The following FOCAD variants were observed in gnomAD, a reference collection of about 807,000 sequenced individuals.
FOCAD encodes the protein KIAA1797.
In FOCAD, 198 loss-of-function variants were observed where a neutral mutation model predicts 225.6. That is an observed-to-expected ratio of 0.88 (90% CI 0.78 to 0.99). FOCAD has a LOEUF of 0.99. Ranked by LOEUF, FOCAD falls within the 50% of genes least tolerant of loss-of-function variation. The pLI, the probability that FOCAD is intolerant of heterozygous loss-of-function variation, is 0.00. For synonymous variants in FOCAD, 897 were observed against 755.0 expected, an observed-to-expected ratio of 1.19 and a Z score of -3.08; for missense variants, 2,713 against 2,123.6, an observed-to-expected ratio of 1.28 and a Z score of -5.46.
intron 2 of FOCAD, among the ~76,000 whole-genome samples, chr9:20,672,847 C>T (rs959927651): frequency 6.6e-6 from 1 of 152,182 alleles, no homozygotes; most frequent in Non-Finnish European, 1.5e-5. Flanking sequence ...TCTAGGTCAC[C>T]AACAGGACTC....
At chr9:20,903,026 C>T (rs1486039419) in intron 21 of FOCAD, among the ~76,000 whole-genome samples, 2 of 151,890 alleles carry the variant, frequency 1.3e-5, no homozygotes, top group African/African-American at 2.4e-5. Flanking sequence ...TCACATTTTA[C>T]TGTCTAGTTG....
chr9:20,760,491 T>G (rs1829486863), intron 6 of FOCAD, among the ~76,000 whole-genome samples: 1 of 152,228 alleles, frequency 6.6e-6, no homozygotes, highest in Non-Finnish European at 1.5e-5. Context: ...TTGCCTTGTG[T>G]TCCACACAGG....
At chr9:20,786,898 C>G in intron 10 of FOCAD, 1 of 311,262 alleles carries the variant, frequency 3.2e-6, no homozygotes, top group South Asian at 2.9e-5. Context: ...TTTTTAAACA[C>G]CTACTTCCTC....
chr9:20,852,090 G>A (rs751372980), intron 15 of FOCAD, among the ~76,000 whole-genome samples: 1 of 151,776 alleles, frequency 6.6e-6, no homozygotes, highest in Non-Finnish European at 1.5e-5. Flanking sequence ...TTTATGCCAA[G>A]CACTGTGCTA....
intron 7 of FOCAD, among the ~76,000 whole-genome samples, chr9:20,765,874 A>G (rs1830010587): frequency 6.6e-6 from 1 of 152,202 alleles, no homozygotes; most frequent in Admixed American, 6.5e-5. Context: ...GAATCTGTGA[A>G]CATATTTCAA....
At chr9:20,794,306 T>C (rs1281677525) in intron 11 of FOCAD, among the ~76,000 whole-genome samples, 1 of 152,136 alleles carries the variant, frequency 6.6e-6, no homozygotes, top group African/African-American at 2.4e-5. Context: ...AAGAAGAAAT[T>C]TGAAAGCAAG....
At chr9:20,725,137 A>G (rs1289392302) in intron 4 of FOCAD, among the ~76,000 whole-genome samples, 1 of 152,194 alleles carries the variant, frequency 6.6e-6, no homozygotes, top group Non-Finnish European at 1.5e-5. Flanking sequence ...GCACTACTGC[A>G]CTCCAGCCTG....
At chr9:20,936,053 G>C (rs532209946) in intron 28 of FOCAD, among the ~76,000 whole-genome samples, 5 of 152,280 alleles carry the variant, frequency 3.3e-5, no homozygotes, top group African/African-American at 1.2e-4. Flanking sequence ...GTGAATATAT[G>C]GTATGGTTTT....
chr9:20,734,945 T>C (rs1023895270), intron 4 of FOCAD, among the ~76,000 whole-genome samples: 6 of 152,068 alleles, frequency 3.9e-5, no homozygotes, highest in African/African-American at 7.2e-5. Context: ...TAGATAAGGG[T>C]ATGTCTATAG....
At chr9:20,819,742 A>T in intron 11 of FOCAD, 54 bp from the exon 12 acceptor site, 1 of 898,726 alleles carries the variant, frequency 1.1e-6, no homozygotes, top group Non-Finnish European at 1.7e-6. Flanking sequence ...ATTCCATTAT[A>T]TATTACTTTT....
chr9:20,759,772 T>C (rs776335118), intron 6 of FOCAD, among the ~76,000 whole-genome samples: 5 of 152,206 alleles, frequency 3.3e-5, no homozygotes, highest in African/African-American at 4.8e-5. Context: ...TTAAGGAAGT[T>C]AAGCATTGGT....
chr9:20,740,593 A>G (rs1158242363), intron 5 of FOCAD, among the ~76,000 whole-genome samples: 4 of 152,190 alleles, frequency 2.6e-5, no homozygotes, highest in Admixed American at 6.5e-5. Flanking sequence ...CCTAAAACTC[A>G]GATTATTCTG....
chr9:20,922,119 A>T (rs1834494026), intron 24 of FOCAD, among the ~76,000 whole-genome samples: 1 of 152,226 alleles, frequency 6.6e-6, no homozygotes, highest in Non-Finnish European at 1.5e-5. Flanking sequence ...TTTTATGGCT[A>T]GGGCACCTAG....
At chr9:20,706,041 C>T (rs1229455464) in intron 1 of FOCAD, among the ~76,000 whole-genome samples, 2 of 145,624 alleles carry the variant, frequency 1.4e-5, no homozygotes, top group South Asian at 2.2e-4. Flanking sequence ...CTCAAGTGAT[C>T]TTCCCACCTC....
intron 26 of FOCAD, among the ~76,000 whole-genome samples, chr9:20,927,086 G>T (rs1455310175): frequency 6.6e-6 from 1 of 151,726 alleles, no homozygotes; most frequent in Non-Finnish European, 1.5e-5. Flanking sequence ...ATTGCTCATG[G>T]ATAAACTCCG....
chr9:20,713,100 T>C (rs1055781974), intron 1 of FOCAD, among the ~76,000 whole-genome samples: 4 of 152,324 alleles, frequency 2.6e-5, no homozygotes, highest in African/African-American at 7.2e-5. Context: ...ATATCCAGAA[T>C]GTGACCACTT....
At chr9:20,681,157 G>A (rs1358789837), upstream of FOCAD, among the ~76,000 whole-genome samples, 1 of 152,200 alleles carries the variant, frequency 6.6e-6, no homozygotes, top group Non-Finnish European at 1.5e-5. Flanking sequence ...TTAAATCAGT[G>A]AAGCGTAAAA....
chr9:20,666,308 G>T (rs932812141), intron 2 of FOCAD, among the ~76,000 whole-genome samples: 1 of 152,008 alleles, frequency 6.6e-6, no homozygotes, highest in Non-Finnish European at 1.5e-5. Context: ...GCAGTGTCTT[G>T]CCCTGTAATC....
At chr9:20,964,420 A>C (rs1839061134) in intron 35 of FOCAD, among the ~76,000 whole-genome samples, 1 of 152,118 alleles carries the variant, frequency 6.6e-6, no homozygotes, top group Non-Finnish European at 1.5e-5. Flanking sequence ...TAATAATAGC[A>C]ATGATTAACT....
Sources: gnomAD v4.1 joint callset for allele counts (sites outside exome capture counted in the v4.1 genomes callset) on GRCh38, gnomAD v4.1.1 for gene constraint, MANE v1.5 for transcripts, NCBI Gene and HGNC (gene_info 2026-07-23, HGNC 2026-07-21) for gene names.